The following NUSAP1 variants were observed in gnomAD, a reference collection of about 807,000 sequenced individuals.
NUSAP1 encodes the protein nucleolar and spindle associated protein 1.
In NUSAP1, 32 loss-of-function variants were observed where a neutral mutation model predicts 52.8. That is an observed-to-expected ratio of 0.61 (90% CI 0.46 to 0.81). The LOEUF (loss-of-function observed/expected upper bound fraction) is 0.81. Ranked by LOEUF, NUSAP1 falls within the 40% of genes least tolerant of loss-of-function variation. The pLI is 0.00. For missense variants in NUSAP1, 499 were observed against 522.3 expected (o/e 0.96, Z 0.43); for synonymous variants, 195 against 183.1 (o/e 1.06, Z -0.52).
intron 7 of NUSAP1, among the ~76,000 whole-genome samples, chr15:41,368,502 C>T (rs776365286): frequency 1.2e-4 from 18 of 152,286 alleles, no homozygotes; most frequent in Middle Eastern, 6.8e-3. Context: ...TCATCACTAT[C>T]TCATGCCCCA....
intron 6 of NUSAP1, among the ~76,000 whole-genome samples, chr15:41,359,838 G>T (rs560370065): frequency 8.7e-5 from 13 of 149,738 alleles, no homozygotes; most frequent in Non-Finnish European, 1.9e-4. Flanking sequence ...TCACCATGTT[G>T]GCCAGGCTGG....
intron 6 of NUSAP1, among the ~76,000 whole-genome samples, chr15:41,364,214 T>C (rs2049296328): frequency 6.6e-6 from 1 of 152,112 alleles, no homozygotes; most frequent in Non-Finnish European, 1.5e-5. Context: ...CCTTTGTGGC[T>C]ACAAGGGACT....
intron 8 of NUSAP1, among the ~76,000 whole-genome samples, chr15:41,372,015 G>A (rs1050705610): frequency 2.0e-5 from 3 of 152,178 alleles, no homozygotes; most frequent in Admixed American, 6.6e-5. Flanking sequence ...TGATCCGCCC[G>A]CCTCGGCCTA....
At chr15:41,361,371 C>G (rs1489184918) in intron 6 of NUSAP1, among the ~76,000 whole-genome samples, 2 of 151,202 alleles carry the variant, frequency 1.3e-5, no homozygotes, top group Non-Finnish European at 2.9e-5. Context: ...CCAGCCTGGG[C>G]AACAAGAGTG....
At chr15:41,368,352 A>G (rs1347116825) in intron 7 of NUSAP1, among the ~76,000 whole-genome samples, 2 of 152,168 alleles carry the variant, frequency 1.3e-5, no homozygotes, top group Non-Finnish European at 2.9e-5. Flanking sequence ...ATGACTGCCA[A>G]GATGCCTAAG....
chr15:41,354,843 C>A (rs936217027), intron 4 of NUSAP1, among the ~76,000 whole-genome samples: 3 of 151,304 alleles, frequency 2.0e-5, no homozygotes, highest in African/African-American at 7.3e-5. Flanking sequence ...ACGGTGAAAC[C>A]CTGTCTCTAC....
At chr15:41,347,861 G>A (rs941460708) in intron 2 of NUSAP1, among the ~76,000 whole-genome samples, 15 of 151,590 alleles carry the variant, frequency 9.9e-5, no homozygotes, top group Admixed American at 5.3e-4. Flanking sequence ...AGAGGCTCAC[G>A]TGTGTAATCC....
At chr15:41,343,324 G>A (rs1050462007) in intron 2 of NUSAP1, 4 of 152,158 alleles carry the variant, frequency 2.6e-5, no homozygotes, top group Non-Finnish European at 5.9e-5. Context: ...GGATGAATGA[G>A]TGCCCCATTA....
chr15:41,376,973 G>A (rs1362033960), intron 9 of NUSAP1, among the ~76,000 whole-genome samples: 3 of 151,948 alleles, frequency 2.0e-5, no homozygotes, highest in African/African-American at 7.3e-5. Context: ...CTACTCATGA[G>A]TCTAAATTGG....
At chr15:41,345,456 ATT>A in intron 2 of NUSAP1, 1 of 410,890 alleles carries the variant, frequency 2.4e-6, no homozygotes. Flanking sequence ...ATGATCACCT[ATT>A]TTTTTCTTTC....
intron 5 of NUSAP1, among the ~76,000 whole-genome samples, chr15:41,357,499 A>G (rs545346493): frequency 1.3e-4 from 19 of 151,828 alleles, no homozygotes; most frequent in African/African-American, 4.6e-4. Flanking sequence ...GCTGGAGTGC[A>G]ATGGCGCAAT....
At chr15:41,337,163 T>C (rs2048188188) in intron 1 of NUSAP1, among the ~76,000 whole-genome samples, 1 of 151,988 alleles carries the variant, frequency 6.6e-6, no homozygotes, top group Admixed American at 6.6e-5. Flanking sequence ...ACTACAGGCA[T>C]GACCACCCTG....
rs748845104 is a variant in NUSAP1, at chr15:41,375,698, C to T, written c.1007-14C>T. 37 of 1,520,360 alleles carry T rather than the reference C, an allele frequency of 2.4e-5. No individual in the cohort carries two copies. Among genetic ancestry groups the T allele is most frequent in the South Asian group, 2.4e-4 (21 of 88,646 alleles). 94.2% of individuals were successfully genotyped at this position (1,520,360 alleles called of 1,614,324 possible). On this transcript the variant is annotated splice_polypyrimidine_tract_variant and intron_variant, in intron 8 of 10. Transcript: ENST00000559596. ...TTCTAATTAAGCTCTTGGGTTTTTT[C>T]GGTGTGTTTTTAGTTATTACCCCAT...
chr15:41,340,927 G>A (rs2048344371), intron 1 of NUSAP1, among the ~76,000 whole-genome samples: 1 of 152,140 alleles, frequency 6.6e-6, no homozygotes, highest in South Asian at 2.1e-4. Context: ...ATTCTCTACT[G>A]GACACATGGC....
chr15:41,347,814 A>C (rs1595545849), intron 2 of NUSAP1, among the ~76,000 whole-genome samples: 1 of 93,768 alleles, frequency 1.1e-5, no homozygotes, highest in Non-Finnish European at 2.0e-5. Context: ...ACTCCGTCTC[A>C]AAAAAAAAAA....
At chr15:41,366,015 C>T (rs1384920731) in intron 7 of NUSAP1, among the ~76,000 whole-genome samples, 1 of 151,622 alleles carries the variant, frequency 6.6e-6, no homozygotes, top group Non-Finnish European at 1.5e-5. Flanking sequence ...CCACCACGCC[C>T]GGCCCATAGT....
At chr15:41,375,631 T>C (rs1015771673) in intron 8 of NUSAP1, 81 bp from the exon 9 acceptor site, 15 of 941,434 alleles carry the variant, frequency 1.6e-5, no homozygotes, top group Non-Finnish European at 2.4e-5. Context: ...ATTTTTAAGA[T>C]TGAGAAGTAA....
chr15:41,336,648 G>GTGTTTTTTTTTTTTTTTT (rs1555426223), intron 1 of NUSAP1, among the ~76,000 whole-genome samples: 1 of 91,354 alleles, frequency 1.1e-5, no homozygotes, highest in African/African-American at 4.0e-5. Context: ...CCTCCTTTTG[G>GTGTTTTTTTTTTTTTTTT]TTTTTTTTTT....
intron 6 of NUSAP1, among the ~76,000 whole-genome samples, chr15:41,358,599 G>A (rs2049057427): frequency 6.6e-6 from 1 of 152,128 alleles, no homozygotes; most frequent in Non-Finnish European, 1.5e-5. Context: ...TTAGTAGGGG[G>A]TGGCACATGG....
Sources: gnomAD v4.1 joint callset for allele counts (sites outside exome capture counted in the v4.1 genomes callset) on GRCh38, gnomAD v4.1.1 for gene constraint, MANE v1.5 for transcripts, NCBI Gene and HGNC (gene_info 2026-07-23, HGNC 2026-07-21) for gene names.